SCAPER: variants seen among roughly 807,000 people sequenced by gnomAD.
SCAPER encodes the protein S phase cyclin A-associated protein in the endoplasmic reticulum.
SCAPER carries 98 observed loss-of-function variants against 182.2 expected under a neutral mutation model. The ratio of observed to expected loss-of-function variants is 0.54; its 90% confidence interval spans 0.46 to 0.64. The LOEUF (loss-of-function observed/expected upper bound fraction) is 0.64, where lower values mean the gene tolerates loss of function less well. Among genes scored for constraint, SCAPER ranks in the 30% least tolerant of loss-of-function variants. The pLI, the probability that SCAPER is intolerant of heterozygous loss-of-function variation, is 0.00. For missense variants in SCAPER, 1,432 were observed against 1,690.0 expected, an observed-to-expected ratio of 0.85 and a Z score of 2.68; for synonymous variants, 605 against 564.6, an observed-to-expected ratio of 1.07 and a Z score of -1.01.
intron 26 of SCAPER, among the ~76,000 whole-genome samples, chr15:76,431,675 G>GAAAAAAAA (rs1567126176): frequency 4.6e-4 from 2 of 4,316 alleles, no homozygotes; most frequent in South Asian, 0.015. Context: ...AAAATGATTA[G>GAAAAAAAA]CAAAAAAAAA....
intron 7 of SCAPER, 102 bp from the exon 8 acceptor site, chr15:76,795,542 C>T: frequency 1.2e-6 from 1 of 827,220 alleles, no homozygotes; most frequent in South Asian, 3.2e-5. Flanking sequence ...TATGAATATC[C>T]ACATATATAG....
intron 7 of SCAPER, among the ~76,000 whole-genome samples, chr15:76,798,555 C>T (rs2065508749): frequency 6.6e-6 from 1 of 151,698 alleles, no homozygotes; most frequent in Non-Finnish European, 1.5e-5. Context: ...AATACATATC[C>T]AAGAGACTCA....
intron 11 of SCAPER, among the ~76,000 whole-genome samples, chr15:76,766,109 A>AT (rs947654239): frequency 2.0e-5 from 3 of 151,714 alleles, no homozygotes; most frequent in Non-Finnish European, 4.4e-5. Context: ...TTATTTATTT[A>AT]TTTTTAAGAT....
intron 7 of SCAPER, among the ~76,000 whole-genome samples, chr15:76,798,657 T>C (rs1218926740): frequency 6.6e-6 from 1 of 151,728 alleles, no homozygotes; most frequent in East Asian, 1.9e-4. Context: ...CTTGAAAGAA[T>C]CAAGAGAGAA....
intron 1 of SCAPER, among the ~76,000 whole-genome samples, chr15:76,891,910 C>T (rs1246656027): frequency 6.6e-6 from 1 of 152,158 alleles, no homozygotes; most frequent in Non-Finnish European, 1.5e-5. Context: ...AGACTTCATA[C>T]TACCTGACTT....
intron 27 of SCAPER, among the ~76,000 whole-genome samples, chr15:76,396,473 A>G (rs1300377724): frequency 6.6e-6 from 1 of 152,154 alleles, no homozygotes; most frequent in African/African-American, 2.4e-5. Context: ...ACAGTTTTCT[A>G]TTTATTATGT....
intron 1 of SCAPER, among the ~76,000 whole-genome samples, chr15:76,899,820 G>T (rs2074663147): frequency 6.6e-6 from 1 of 151,822 alleles, no homozygotes; most frequent in African/African-American, 2.4e-5. Context: ...CGCCCCGTCT[G>T]GGAAGTGTAC....
chr15:76,697,321 T>C (rs1390720828), intron 20 of SCAPER, among the ~76,000 whole-genome samples: 1 of 152,128 alleles, frequency 6.6e-6, no homozygotes, highest in Admixed American at 6.5e-5. Flanking sequence ...TAACCAAGAA[T>C]AACAACATGA....
At chr15:76,739,390 A>G (rs749652934) in intron 15 of SCAPER, among the ~76,000 whole-genome samples, 2 of 152,204 alleles carry the variant, frequency 1.3e-5, no homozygotes, top group African/African-American at 2.4e-5. Context: ...GAAGCACTTT[A>G]CAACTTCTGT....
chr15:76,521,639 C>T (rs546103744), intron 23 of SCAPER, among the ~76,000 whole-genome samples: 5 of 152,156 alleles, frequency 3.3e-5, no homozygotes, highest in East Asian at 1.9e-4. Context: ...AAGCTGTTAA[C>T]AATATTAACA....
intron 23 of SCAPER, among the ~76,000 whole-genome samples, chr15:76,563,105 T>G (rs1342072371): frequency 6.6e-6 from 1 of 152,120 alleles, no homozygotes; most frequent in African/African-American, 2.4e-5. Context: ...ATTAATAGTT[T>G]ATCATAAAAT....
intron 5 of SCAPER, among the ~76,000 whole-genome samples, chr15:76,815,602 AC>A (rs1371401589): frequency 6.6e-6 from 1 of 152,164 alleles, no homozygotes; most frequent in Non-Finnish European, 1.5e-5. Flanking sequence ...CAGGAACCTG[AC>A]CCGCACAACA....
chr15:76,470,734 T>C (rs1228175632), intron 25 of SCAPER, among the ~76,000 whole-genome samples: 1 of 152,178 alleles, frequency 6.6e-6, no homozygotes, highest in Non-Finnish European at 1.5e-5. Flanking sequence ...TTCAACAATA[T>C]AACAAGTTTT....
rs1367057167 is a variant in SCAPER at position 76,774,958 on chromosome 15, A to G, written c.932T>C (p.Ile311Thr). ...ATCTCCAACAAATTGACCTTTCTGT[A>G]TGCTTTCATCAGGTAAAAGACATAC... ...ENVCLLPDES[I>T]QKGQFVGDGT... Residue 311 changes from isoleucine to threonine, a missense_variant, in exon 9 of 32, where the codon ATA becomes ACA. Ile to Thr is a moderately conservative substitution (Grantham distance 89, BLOSUM62 -1). Around this residue, in one of 5 missense-constraint regions of SCAPER, gnomAD observed 480 missense variants for 510.2 expected, o/e 0.94. Coordinates refer to ENST00000563290, the MANE Select transcript of SCAPER (RefSeq NM_020843.4). 2.5e-6 allele frequency: 4 copies of G among 1,613,678 alleles called. No homozygotes were observed. The highest frequency in any genetic ancestry group is 1.7e-6 in the Non-Finnish European group (2 of 1,179,768).
intron 21 of SCAPER, among the ~76,000 whole-genome samples, chr15:76,644,959 G>A (rs2054419068): frequency 6.6e-6 from 1 of 151,630 alleles, no homozygotes; most frequent in African/African-American, 2.4e-5. Context: ...TGTAACCATA[G>A]GTTCCGTATC....
chr15:76,690,222 A>G (rs1431889394), intron 20 of SCAPER, among the ~76,000 whole-genome samples: 2 of 152,250 alleles, frequency 1.3e-5, no homozygotes, highest in East Asian at 1.9e-4. Flanking sequence ...TGGTATTCCC[A>G]CCAAATATAT....
At chr15:76,801,043 T>A (rs536286608) in intron 6 of SCAPER, among the ~76,000 whole-genome samples, 9 of 152,250 alleles carry the variant, frequency 5.9e-5, no homozygotes, top group Non-Finnish European at 1.2e-4. Flanking sequence ...ACTGTTGATA[T>A]CTGTTTTTAA....
chr15:76,821,759 A>G (rs1008007808), intron 5 of SCAPER, among the ~76,000 whole-genome samples: 2 of 152,074 alleles, frequency 1.3e-5, no homozygotes, highest in Non-Finnish European at 2.9e-5. Context: ...ATTTTTAAAA[A>G]TTAGTCAGGC....
intron 23 of SCAPER, among the ~76,000 whole-genome samples, chr15:76,511,857 G>GTGTGTT (rs2042060377): frequency 9.1e-6 from 1 of 109,946 alleles, no homozygotes; most frequent in Non-Finnish European, 1.8e-5. Flanking sequence ...GTGTGTGTGT[G>GTGTGTT]TGTGTGTGTG....
Sources: gnomAD v4.1 joint callset for allele counts (sites outside exome capture counted in the v4.1 genomes callset) on GRCh38, gnomAD v4.1.1 for gene constraint, gnomAD v4.1.1 regional missense constraint, MANE v1.5 for transcripts, NCBI Gene and HGNC (gene_info 2026-07-23, HGNC 2026-07-21) for gene names.